Variants in TMOD1 observed in about 807,000 individuals in gnomAD.
The protein encoded by TMOD1 is tropomodulin-1.
TMOD1 carries 17 observed loss-of-function variants against 40.6 expected under a neutral mutation model. The observed-to-expected ratio is 0.42, with a 90% confidence interval of 0.29 to 0.63. The LOEUF (loss-of-function observed/expected upper bound fraction) is 0.63, where lower values mean the gene tolerates loss of function less well. TMOD1 is among the 20% of genes least tolerant of loss of function. The pLI, the probability that TMOD1 is intolerant of heterozygous loss-of-function variation, is 0.22. For synonymous variants in TMOD1, 181 were observed against 175.0 expected (o/e 1.03, Z -0.27); for missense variants, 391 against 447.6 (o/e 0.87, Z 1.14).
At chr9:97,556,546 G>A (rs889594252) in intron 4 of TMOD1, among the ~76,000 whole-genome samples, 15 of 152,190 alleles carry the variant, frequency 9.9e-5, no homozygotes, top group African/African-American at 3.6e-4. Flanking sequence ...TGTCTCCCAA[G>A]TGGAACATTT....
rs148100344 is a variant in TMOD1 at position 97,598,804 on chromosome 9, A to T, written c.1016-830A>T. On this transcript the variant is annotated intron_variant, in intron 9 of 9. Transcript: ENST00000259365. ...GGAACCTGAAGACATCTAAGTATAGACGGACTTTTTTTCCCTCCACCATAG... is the reference window on the plus strand; with the variant it reads ...GGAACCTGAAGACATCTAAGTATAGTCGGACTTTTTTTCCCTCCACCATAG... 4.9e-4 allele frequency among the ~76,000 whole-genome samples: 75 copies of T among 152,242 alleles called. 2 individuals carry two copies. Among genetic ancestry groups the T allele is most frequent in the African/African-American group, 1.7e-3 (69 of 41,532 alleles).
intron 2 of TMOD1, among the ~76,000 whole-genome samples, chr9:97,536,178 A>G (rs911441822): frequency 2.0e-5 from 3 of 152,212 alleles, no homozygotes; most frequent in Admixed American, 6.5e-5. Flanking sequence ...GGATGGGACC[A>G]TAAGTGCCTA....
intron 4 of TMOD1, among the ~76,000 whole-genome samples, chr9:97,559,792 AAAATATATATATATATATAT>A (rs1356327887): frequency 8.5e-5 from 3 of 35,088 alleles, no homozygotes; most frequent in African/African-American, 1.3e-4. Flanking sequence ...AAAAAAAAAA[AAAATATATATATATATATAT>A]ATATATATAT....
At chr9:97,507,449 C>T (rs1462549592) in intron 1 of TMOD1, among the ~76,000 whole-genome samples, 1 of 152,202 alleles carries the variant, frequency 6.6e-6, no homozygotes, top group Non-Finnish European at 1.5e-5. Flanking sequence ...AAATAAACTA[C>T]ATGACCAATG....
chr9:97,556,637 A>C (rs1830541157), intron 4 of TMOD1, among the ~76,000 whole-genome samples: 1 of 152,214 alleles, frequency 6.6e-6, no homozygotes. Context: ...CTCTGGCAAA[A>C]GAATGGTAAG....
chr9:97,561,624 C>T (rs1382063797), intron 4 of TMOD1, among the ~76,000 whole-genome samples: 1 of 152,232 alleles, frequency 6.6e-6, no homozygotes, highest in African/African-American at 2.4e-5. Context: ...TACCGCCACA[C>T]ATCCAGCTTC....
At chr9:97,515,979 C>T (rs1829799651) in intron 1 of TMOD1, among the ~76,000 whole-genome samples, 1 of 152,144 alleles carries the variant, frequency 6.6e-6, no homozygotes, top group South Asian at 2.1e-4. Flanking sequence ...TATTGCACCA[C>T]CTTTTATGAC....
intron 1 of TMOD1, among the ~76,000 whole-genome samples, chr9:97,508,742 TCC>T (rs1304007585): frequency 1.3e-5 from 2 of 151,820 alleles, no homozygotes; most frequent in East Asian, 3.9e-4. Context: ...TTAAACAGGG[TCC>T]CCCCCAAAAG....
At chr9:97,554,195 G>T (rs1830499432) in intron 4 of TMOD1, among the ~76,000 whole-genome samples, 2 of 151,334 alleles carry the variant, frequency 1.3e-5, no homozygotes, top group South Asian at 2.1e-4. Context: ...GGTGGGCGGG[G>T]TGGGGAAAGG....
chr9:97,553,173 G>A (rs761671345), intron 3 of TMOD1, 108 bp from the exon 4 acceptor site: 37 of 1,525,430 alleles, frequency 2.4e-5, no homozygotes, highest in Non-Finnish European at 2.4e-5. Context: ...GGGACTCTCA[G>A]CATGGAGGGA....
At chr9:97,579,341 C>T (rs930890099) in intron 8 of TMOD1, among the ~76,000 whole-genome samples, 10 of 152,142 alleles carry the variant, frequency 6.6e-5, no homozygotes, top group Admixed American at 3.9e-4. Flanking sequence ...ATGTCCTACC[C>T]GAGAGCTCAT....
intron 1 of TMOD1, among the ~76,000 whole-genome samples, chr9:97,509,679 C>T (rs192865888): frequency 9.2e-5 from 14 of 151,660 alleles, no homozygotes; most frequent in Admixed American, 1.3e-4. Flanking sequence ...TATTTTTAGG[C>T]GAGACGGGGT....
chr9:97,525,575 G>T (rs1440816559), intron 2 of TMOD1, among the ~76,000 whole-genome samples: 8 of 152,224 alleles, frequency 5.3e-5, no homozygotes, highest in African/African-American at 1.9e-4. Context: ...AAAGGCCTAG[G>T]CCATTAGTAG....
rs148996698 is a variant in TMOD1 at position 97,534,773 on chromosome 9, A to G, written c.120+10465A>G. On this transcript the variant is annotated intron_variant, in intron 2 of 9. Transcript: ENST00000259365. ...GATACAGCATAGATATGCTCCACAG[A>G]GTAAGATGAGCATTATTCAAGAACT... Among the ~76,000 whole-genome samples, 304 of 152,332 alleles carry G rather than the reference A, an allele frequency of 2.0e-3. 2 individuals are homozygous for G. Among genetic ancestry groups the G allele is most frequent in the African/African-American group, 6.9e-3 (286 of 41,576 alleles).
chr9:97,590,621 G>GTT (rs967244057), intron 8 of TMOD1, among the ~76,000 whole-genome samples: 6 of 144,588 alleles, frequency 4.1e-5, no homozygotes, highest in African/African-American at 1.5e-4. Context: ...GGGTCTTTCT[G>GTT]TTTTTTTTTT....
At chr9:97,555,692 T>A in intron 4 of TMOD1, 1 of 1,550,612 alleles carries the variant, frequency 6.4e-7, no homozygotes, top group Non-Finnish European at 8.7e-7. Flanking sequence ...TTTGACCACC[T>A]ACCATGTCCC....
At chr9:97,527,118 C>T (rs1009613587) in intron 2 of TMOD1, among the ~76,000 whole-genome samples, 1 of 152,164 alleles carries the variant, frequency 6.6e-6, no homozygotes, top group African/African-American at 2.4e-5. Context: ...TCATCTCTCC[C>T]CATTAGCCTG....
In TMOD1 at chr9:97,525,252, C is replaced by G. The variant is rs1829994175; in HGVS notation, c.120+944C>G. Among the ~76,000 whole-genome samples, 4 of 152,120 alleles carry G rather than the reference C, an allele frequency of 2.6e-5. No individual in the cohort carries two copies. In the South Asian group the frequency reaches 6.2e-4, roughly 24 times the overall value. ...ATATTATAATGTAAAATTAATGATA[C>G]TTAAATCCTATTATACAAAGCCAAT... On this transcript the variant is annotated intron_variant, in intron 2 of 9. Coordinates refer to ENST00000259365, the MANE Select transcript of TMOD1 (RefSeq NM_003275.4).
At position 97,590,597 on chromosome 9, in the gene TMOD1, T is replaced by G. The variant is rs998044875; in HGVS notation, c.871-694T>G. ...TGTGATGAACATCCTCATCATATTC[T>G]TCCCAACATTGTTGGGTCTTTCTGT... is the stretch of plus-strand genomic sequence containing the variant. On this transcript the variant is annotated intron_variant, in intron 8 of 9. Coordinates refer to ENST00000259365, the MANE Select transcript of TMOD1 (RefSeq NM_003275.4). 3.9e-5 allele frequency among the ~76,000 whole-genome samples: 6 copies of G among 152,042 alleles called. No homozygotes were observed. The Middle Eastern group carries it at 0.01, about 259-fold the overall frequency.
Sources: gnomAD v4.1 joint callset for allele counts (sites outside exome capture counted in the v4.1 genomes callset) on GRCh38, gnomAD v4.1.1 for gene constraint, MANE v1.5 for transcripts, NCBI Gene and HGNC (gene_info 2026-07-23, HGNC 2026-07-21) for gene names.